Variants in PARP8 observed in about 807,000 individuals in gnomAD.
PARP8 encodes the protein poly(ADP-ribose) polymerase family member 8, also known as protein mono-ADP-ribosyltransferase PARP8.
In PARP8, 51 loss-of-function variants were observed where a neutral mutation model predicts 124.1. The observed-to-expected ratio is 0.41, with a 90% confidence interval of 0.33 to 0.52. PARP8 has a LOEUF of 0.52. PARP8 is among the 20% of genes least tolerant of loss of function. PARP8 has a pLI of 0.21. For missense variants in PARP8, 860 were observed against 1,018.9 expected (o/e 0.84, Z 2.12); for synonymous variants, 391 against 361.5 (o/e 1.08, Z -0.93).
At chr5:50,825,515 A>G (rs1315753640) in intron 18 of PARP8, among the ~76,000 whole-genome samples, 2 of 152,182 alleles carry the variant, frequency 1.3e-5, no homozygotes, top group African/African-American at 4.8e-5. Context: ...CATGAATTCT[A>G]GAAGGAGGGC....
chr5:50,682,879 GT>G (rs1292242068), intron 2 of PARP8, among the ~76,000 whole-genome samples: 15 of 152,102 alleles, frequency 9.9e-5, no homozygotes, highest in Admixed American at 2.0e-4. Context: ...TGTGATTAAC[GT>G]TTTTTCCCCC....
At chr5:50,807,841 C>G (rs929006345) in intron 14 of PARP8, among the ~76,000 whole-genome samples, 3 of 152,058 alleles carry the variant, frequency 2.0e-5, no homozygotes, top group African/African-American at 4.8e-5. Context: ...TGATCTCATT[C>G]TCTTCTCCTG....
At chr5:50,836,506 A>G (rs550407967) in intron 25 of PARP8, among the ~76,000 whole-genome samples, 2 of 151,940 alleles carry the variant, frequency 1.3e-5, no homozygotes, top group Non-Finnish European at 2.9e-5. Context: ...GTACAAAAGG[A>G]CACAGACAGG....
At chr5:50,755,275 T>G (rs1759799529) in intron 3 of PARP8, among the ~76,000 whole-genome samples, 1 of 152,212 alleles carries the variant, frequency 6.6e-6, no homozygotes, top group Admixed American at 6.5e-5. Context: ...TCCTGAATGA[T>G]ATTGCCTAGA....
At chr5:50,679,786 T>C (rs1751070188) in intron 2 of PARP8, among the ~76,000 whole-genome samples, 1 of 152,192 alleles carries the variant, frequency 6.6e-6, no homozygotes, top group African/African-American at 2.4e-5. Flanking sequence ...CCCTGCATAG[T>C]GCTTAGGAAG....
chr5:50,692,201 A>G (rs913704058), intron 2 of PARP8, among the ~76,000 whole-genome samples: 4 of 152,170 alleles, frequency 2.6e-5, no homozygotes, highest in African/African-American at 7.2e-5. Context: ...AGTGAAATCT[A>G]AAATCTTTGT....
At chr5:50,749,935 CT>C (rs1759043633) in intron 2 of PARP8, among the ~76,000 whole-genome samples, 2 of 152,080 alleles carry the variant, frequency 1.3e-5, no homozygotes, top group African/African-American at 4.8e-5. Context: ...AACTGTTAGA[CT>C]AAGACCCATT....
Position 50,812,643 on chromosome 5 carries a change from G to A in PARP8, c.1576-2789G>A, listed in dbSNP as rs528841957. Among the ~76,000 whole-genome samples the A allele has an allele frequency of 9.9e-4, 150 of 152,142 alleles. 1 individual carries two copies. The highest frequency in any genetic ancestry group is 2.0e-3 in the Non-Finnish European group (135 of 67,942). On this transcript the variant is annotated intron_variant, in intron 14 of 25. Coordinates refer to ENST00000281631, the MANE Select transcript of PARP8 (RefSeq NM_024615.4). ...TTGGCTTTTGTTGCCATTGCTTTTG[G>A]TGTTTTAGACATGAAGTCCTTGCCC... is the stretch of plus-strand genomic sequence containing the variant.
At chr5:50,693,667 A>C (rs533834871) in intron 2 of PARP8, among the ~76,000 whole-genome samples, 8 of 151,594 alleles carry the variant, frequency 5.3e-5, no homozygotes, top group Middle Eastern at 3.5e-3. Flanking sequence ...AGTCACAGAA[A>C]TCAATCATGT....
At chr5:50,748,962 T>G (rs1490962858) in intron 2 of PARP8, among the ~76,000 whole-genome samples, 1 of 152,206 alleles carries the variant, frequency 6.6e-6, no homozygotes, top group Non-Finnish European at 1.5e-5. Context: ...TATACAAATG[T>G]TTGCTCTTTT....
intron 7 of PARP8, among the ~76,000 whole-genome samples, chr5:50,776,798 G>A (rs1480684054): frequency 6.6e-6 from 1 of 152,080 alleles, no homozygotes; most frequent in Non-Finnish European, 1.5e-5. Context: ...CCACAATTAT[G>A]TATTATAATT....
rs1741306675 is a variant in PARP8, at chr5:50,786,805, A to G, written c.671-1718A>G. ...CATTTTCTCTCTCCTCCACCTACAT[A>G]GACTTACTGAGTGGTTTCTCATTCA... On this transcript the variant is annotated intron_variant, in intron 9 of 25. Coordinates refer to ENST00000281631, the MANE Select transcript of PARP8 (RefSeq NM_024615.4). Among the ~76,000 whole-genome samples, 3 of 152,070 alleles carry G rather than the reference A, an allele frequency of 2.0e-5. No homozygotes were observed. In the South Asian group the frequency reaches 6.2e-4, roughly 31 times the overall value.
chr5:50,736,035 C>T (rs1757444452), intron 2 of PARP8, among the ~76,000 whole-genome samples: 1 of 141,966 alleles, frequency 7.0e-6, no homozygotes, highest in Non-Finnish European at 1.5e-5. Context: ...TAGTGGTGTC[C>T]CCCTGTAAAT....
At chr5:50,755,156 T>A (rs1244688140) in intron 3 of PARP8, among the ~76,000 whole-genome samples, 1 of 152,232 alleles carries the variant, frequency 6.6e-6, no homozygotes, top group Non-Finnish European at 1.5e-5. Context: ...TGGTAGTTTC[T>A]TTTGCTGTGC....
intron 2 of PARP8, among the ~76,000 whole-genome samples, chr5:50,670,107 G>A (rs529490488): frequency 2.0e-5 from 3 of 152,200 alleles, no homozygotes; most frequent in Admixed American, 6.5e-5. Flanking sequence ...TTTCATTACC[G>A]ACATTATAAA....
At chr5:50,796,923 A>G (rs780924787) in intron 12 of PARP8, 59 bp from the exon 13 acceptor site, 58 of 1,417,190 alleles carry the variant, frequency 4.1e-5, no homozygotes, top group Admixed American at 5.9e-5. Flanking sequence ...AAAAGCCTGT[A>G]ATTTATACAT....
intron 3 of PARP8, among the ~76,000 whole-genome samples, chr5:50,753,410 A>G (rs1759475575): frequency 6.6e-6 from 1 of 152,092 alleles, no homozygotes; most frequent in Non-Finnish European, 1.5e-5. Flanking sequence ...GAATTAGAAT[A>G]CTATACAGTC....
chr5:50,670,528 T>C (rs1279482973), intron 2 of PARP8, among the ~76,000 whole-genome samples: 1 of 152,270 alleles, frequency 6.6e-6, no homozygotes, highest in African/African-American at 2.4e-5. Context: ...TAATAAGAAA[T>C]GCCAAGAGGC....
chr5:50,711,785 C>G (rs1337941061), intron 2 of PARP8, among the ~76,000 whole-genome samples: 1 of 152,078 alleles, frequency 6.6e-6, no homozygotes, highest in African/African-American at 2.4e-5. Flanking sequence ...AGGTTTTTGA[C>G]AGTTGCAGCC....
Sources: allele counts gnomAD v4.1 joint callset (sites outside exome capture counted in the v4.1 genomes callset), GRCh38; gene constraint gnomAD v4.1.1; transcripts MANE v1.5; gene names NCBI Gene and HGNC (gene_info 2026-07-23, HGNC 2026-07-21).